Variants in SCAND3 observed in about 807,000 individuals in gnomAD.
SCAND3 encodes SCAN domain-containing protein 3.
chr6:28,575,943 C>T, the SCAND3 span: 2 of 1,613,566 alleles, frequency 1.2e-6, no homozygotes, highest in Non-Finnish European at 1.7e-6. The surrounding 1 kb of genome is among the most constrained non-coding windows in gnomAD (Gnocchi z 4.2). Flanking sequence ...CTTTCACTTC[C>T]TTTATCAACT....
At chr6:28,580,687 T>C in the SCAND3 span, among the ~76,000 whole-genome samples, 1 of 152,186 alleles carries the variant, frequency 6.6e-6, no homozygotes, top group African/African-American at 2.4e-5. Flanking sequence ...AATTAAACAA[T>C]GTATCAATTC....
chr6:28,573,963 T>C, the SCAND3 span: 1 of 1,145,422 alleles, frequency 8.7e-7, no homozygotes, highest in Non-Finnish European at 1.2e-6. Flanking sequence ...AATAAATAAA[T>C]GCCTATATTT....
At chr6:28,613,550 C>G in the SCAND3 span, among the ~76,000 whole-genome samples, 1 of 152,202 alleles carries the variant, frequency 6.6e-6, no homozygotes, top group Admixed American at 6.5e-5. Context: ...TCACTTCCTT[C>G]TCTCTGCCTT....
the SCAND3 span, chr6:28,586,984 G>T: frequency 2.2e-6 from 1 of 447,106 alleles, no homozygotes; most frequent in Non-Finnish European, 3.9e-6. This position sits in a 1 kb window ranked among gnomAD's most constrained non-coding sequence, Gnocchi z 4.4. Context: ...AAGCTTCAGG[G>T]TCACAAATTG....
At chr6:28,579,549 T>C in the SCAND3 span, 4 of 849,250 alleles carry the variant, frequency 4.7e-6, no homozygotes, top group Non-Finnish European at 7.2e-6. The surrounding 1 kb of genome is among the most constrained non-coding windows in gnomAD (Gnocchi z 4.5). Flanking sequence ...AAGTACAAGA[T>C]AAAACATGAA....
chr6:28,581,102 C>T, the SCAND3 span, among the ~76,000 whole-genome samples: 7 of 151,952 alleles, frequency 4.6e-5, no homozygotes, highest in East Asian at 1.9e-4. Context: ...TTTGGGAGGC[C>T]GAGGTGGGAG....
the SCAND3 span, among the ~76,000 whole-genome samples, chr6:28,609,125 A>T: frequency 2.0e-5 from 3 of 152,332 alleles, no homozygotes; most frequent in Non-Finnish European, 2.9e-5. Flanking sequence ...CATTATCTTC[A>T]CTACTACTTA....
At chr6:28,571,820 A>G in the SCAND3 span, 1 of 1,485,772 alleles carries the variant, frequency 6.7e-7, no homozygotes, top group South Asian at 1.3e-5. Flanking sequence ...GTAACTAGAC[A>G]GAAAGTTTAA....
chr6:28,579,318 A>G, the SCAND3 span: 5 of 1,613,980 alleles, frequency 3.1e-6, no homozygotes, highest in African/African-American at 1.3e-5. This position sits in a 1 kb window ranked among gnomAD's most constrained non-coding sequence, Gnocchi z 4.5. Context: ...ATTCCATTCT[A>G]TCTTCCATAG....
chr6:28,584,630 A>G, the SCAND3 span, among the ~76,000 whole-genome samples: 18 of 152,310 alleles, frequency 1.2e-4, no homozygotes. Context: ...TGCTTACTCC[A>G]TTCTGGATCA....
At chr6:28,580,807 C>G in the SCAND3 span, among the ~76,000 whole-genome samples, 102 of 131,738 alleles carry the variant, frequency 7.7e-4, no homozygotes, top group Admixed American at 2.1e-3. Context: ...CCCCCACCCC[C>G]CCAAGCACAA....
chr6:28,583,424 G>A, the SCAND3 span, among the ~76,000 whole-genome samples: 2 of 151,982 alleles, frequency 1.3e-5, no homozygotes, highest in Admixed American at 6.6e-5. Context: ...CAATTCAAAG[G>A]TGGAAAGATA....
chr6:28,604,866 TTTATTATTAACC>T, the SCAND3 span, among the ~76,000 whole-genome samples: 9 of 152,174 alleles, frequency 5.9e-5, no homozygotes, highest in Non-Finnish European at 7.4e-5. Flanking sequence ...TGTAGTAATC[TTTATTATTAACC>T]TTATTGTGTG....
the SCAND3 span, among the ~76,000 whole-genome samples, chr6:28,612,690 T>C: frequency 1.3e-5 from 2 of 152,358 alleles, no homozygotes; most frequent in Admixed American, 1.3e-4. Context: ...TTTCTAAACA[T>C]TTAGAAAGCC....
chr6:28,573,654 A>G, the SCAND3 span: 1 of 1,612,394 alleles, frequency 6.2e-7, no homozygotes, highest in Non-Finnish European at 8.5e-7. Context: ...CAGCTACAAA[A>G]CCAAACTCAA....
the SCAND3 span, among the ~76,000 whole-genome samples, chr6:28,598,764 C>A: frequency 1.3e-5 from 2 of 149,240 alleles, no homozygotes; most frequent in African/African-American, 2.5e-5. Context: ...GTAATCCCAG[C>A]TACTCATGAG....
the SCAND3 span, among the ~76,000 whole-genome samples, chr6:28,600,097 A>C: frequency 6.6e-6 from 1 of 152,178 alleles, no homozygotes; most frequent in Non-Finnish European, 1.5e-5. Context: ...TATAAAAACA[A>C]CACCAAAAGC....
At chr6:28,582,396 G>T in the SCAND3 span, among the ~76,000 whole-genome samples, 645 of 152,068 alleles carry the variant, frequency 4.2e-3, 4 homozygotes, top group African/African-American at 0.014. The surrounding 1 kb of genome is among the most constrained non-coding windows in gnomAD (Gnocchi z 4.8). Context: ...ATCTTAAGGG[G>T]GAAAAAAACT....
At chr6:28,574,724 GAATCTCATCATGTTTCCTC>G in the SCAND3 span, 2 of 1,614,068 alleles carry the variant, frequency 1.2e-6, no homozygotes, top group South Asian at 2.2e-5. Flanking sequence ...AAACTTCTTT[GAATCTCATCATGTTTCCTC>G]TTCATTGTGC....
Sources: gnomAD v4.1 joint callset for allele counts (sites outside exome capture counted in the v4.1 genomes callset) on GRCh38, gnomAD v4.1.1 for gene constraint, Gnocchi (gnomAD v3.1) non-coding constraint, MANE v1.5 for transcripts, NCBI Gene and HGNC (gene_info 2026-07-23, HGNC 2026-07-21) for gene names.